The following NARS1 variants were observed in gnomAD, a reference collection of about 807,000 sequenced individuals.
NARS1 encodes the protein asparaginyl-tRNA synthetase 1.
Under a neutral mutation model 79.2 loss-of-function variants are expected in NARS1, and 65 were observed. The observed-to-expected ratio is 0.82, with a 90% CI of 0.67 to 1.01. The LOEUF is 1.01. Among genes scored for constraint, NARS1 ranks in the 50% least tolerant of loss-of-function variants. The pLI, the probability that NARS1 is intolerant of heterozygous loss-of-function variation, is 0.00. For missense variants in NARS1, 649 were observed against 673.8 expected (o/e 0.96, Z 0.41); for synonymous variants, 229 against 238.8 (o/e 0.96, Z 0.38).
At chr18:57,601,834 T>C in intron 13 of NARS1, 51 bp from the exon 14 acceptor site, 1 of 1,587,828 alleles carries the variant, frequency 6.3e-7, no homozygotes, top group South Asian at 1.1e-5. Flanking sequence ...AAGTTAAAAC[T>C]TTCATCTAAG....
rs75009706 is a variant in NARS1 at position 57,621,651 on chromosome 18, G to A, written c.10+57C>T. On this transcript the variant is annotated intron_variant, in intron 1 of 13. Transcript: ENST00000256854. ...TAAGGAAAGCGCCGAAACCCGACTGGAGCAGAGTTCCTGCCCCAGGCAGGG... is the reference window on the plus strand; with the variant it reads ...TAAGGAAAGCGCCGAAACCCGACTGAAGCAGAGTTCCTGCCCCAGGCAGGG... 1.4e-3 allele frequency: 2,252 copies of A among 1,561,502 alleles called. 18 individuals carry two copies. In the African/African-American group the frequency reaches 0.023, roughly 16 times the overall value.
At chr18:57,613,806 C>A (rs2051625615) in intron 4 of NARS1, 126 bp from the exon 5 acceptor site, 1 of 713,848 alleles carries the variant, frequency 1.4e-6, no homozygotes, top group Non-Finnish European at 2.4e-6. Context: ...GGAGACAGCC[C>A]CTCTACTGCA....
Position 57,606,687 on chromosome 18 carries a change from C to T in NARS1, c.1066G>A (p.Asp356Asn). 1 of 1,614,136 alleles carries T rather than the reference C, an allele frequency of 6.2e-7. No individual in the cohort carries two copies. The highest frequency in any genetic ancestry group is 1.3e-5 in the African/African-American group (1 of 75,040). ...CGATCTACCACATCACAAACCAAGT[C>T]CTCCAACCGGTTCAGGAGGTCGTCA... ...TFDDLLNRLE[D>N]LVCDVVDRIL... Residue 356 changes from aspartate to asparagine, a missense_variant, in exon 10 of 14, where the codon GAC becomes AAC. Transcript: ENST00000256854.
intron 7 of NARS1, 110 bp downstream of exon 7, chr18:57,609,247 G>T: frequency 1.2e-6 from 1 of 813,584 alleles, no homozygotes. Flanking sequence ...TACTAGTTCT[G>T]TCCCTCTGAA....
At chr18:57,608,437 C>CAAA (rs1175712420) in intron 7 of NARS1, among the ~76,000 whole-genome samples, 20,847 of 77,046 alleles carry the variant, frequency 0.27, 3,649 homozygotes, top group East Asian at 0.61. Flanking sequence ...AACTCCGTCT[C>CAAA]AAAAAAAAAA....
intron 2 of NARS1, among the ~76,000 whole-genome samples, chr18:57,616,313 G>A (rs1472938846): frequency 2.0e-5 from 3 of 152,062 alleles, no homozygotes; most frequent in East Asian, 1.9e-4. Flanking sequence ...CCAGCTACTC[G>A]GGAGGCTGAG....
chr18:57,605,719 C>A, intron 11 of NARS1, 138 bp downstream of exon 11: 2 of 625,448 alleles, frequency 3.2e-6, no homozygotes, highest in Non-Finnish European at 5.7e-6. Flanking sequence ...AATCTGCAGG[C>A]AACCCAAGAA....
chr18:57,615,823 C>T lies in NARS1; in HGVS notation c.246G>A (p.Lys82=). Residue 82 remains lysine (K), a synonymous_variant, in exon 3 of 14, where the codon AAG becomes AAA. Coordinates refer to ENST00000256854, the MANE Select transcript of NARS1 (RefSeq NM_004539.4). ...REQMKSESRE[K]KEAEDSLRRE... is the part of the protein sequence containing the mutation. ...TGGCAAGGTCAGGACTCACCTCTTT[C>T]TTTTCCCGGGATTCACTCTTCATTT... 1 of 1,611,928 alleles carries T rather than the reference C, an allele frequency of 6.2e-7. No individual in the cohort carries two copies. The highest frequency in any genetic ancestry group is 8.5e-7 in the Non-Finnish European group (1 of 1,179,374).
At position 57,606,270 on chromosome 18, in the gene NARS1, T is replaced by C. The variant is rs2051555279; in HGVS notation, c.1138-300A>G. On this transcript the variant is annotated intron_variant, in intron 10 of 13. Transcript: ENST00000256854. ...AGGCTGAGGCAGAATCGCTTGAAGCTGGGAGGCAGAGGTTGCAGTGAGCAG... is the reference window on the plus strand; with the variant it reads ...AGGCTGAGGCAGAATCGCTTGAAGCCGGGAGGCAGAGGTTGCAGTGAGCAG... Among the ~76,000 whole-genome samples, 2 of 149,988 alleles carry C rather than the reference T, an allele frequency of 1.3e-5. 1 individual carries two copies. Among genetic ancestry groups the C allele is most frequent in the South Asian group, 4.2e-4 (2 of 4,714 alleles).
Position 57,621,785 on chromosome 18 carries a change from C to T in NARS1, c.-68G>A. ...CACCGACGCCGTCTTATGACTCCAA[C>T]GTGCACCGGCGGTTTCCGCGATTCC... On this transcript the variant is annotated 5_prime_UTR_variant, in exon 1 of 14. Transcript: ENST00000256854. 6.2e-7 allele frequency: 1 copy of T among 1,611,106 alleles called. No individual in the cohort carries two copies. Among genetic ancestry groups the T allele is most frequent in the South Asian group, 1.1e-5 (1 of 90,722 alleles).
rs138016359 is a variant in NARS1 at position 57,606,686 on chromosome 18, T to G, written c.1067A>C (p.Asp356Ala). 1.1e-3 allele frequency: 1,821 copies of G among 1,613,954 alleles called. 2 individuals are homozygous for G. The highest frequency in any genetic ancestry group is 1.4e-3 in the Non-Finnish European group (1,615 of 1,179,978). Residue 356 changes from aspartate (D) to alanine (A), a missense_variant, in exon 10 of 14, where the codon GAC becomes GCC. Transcript: ENST00000256854. ...TFDDLLNRLE[D>A]LVCDVVDRIL... ...TCGATCTACCACATCACAAACCAAG[T>G]CCTCCAACCGGTTCAGGAGGTCGTC... is the stretch of plus-strand genomic sequence containing the variant.
chr18:57,616,109 C>G (rs1048506949), intron 2 of NARS1, 134 bp from the exon 3 acceptor site: 1 of 791,832 alleles, frequency 1.3e-6, no homozygotes, highest in African/African-American at 1.8e-5. Context: ...GATATTGGCA[C>G]AGTGACTGGT....
chr18:57,619,340 G>A (rs1908196176), intron 2 of NARS1, among the ~76,000 whole-genome samples: 1 of 149,918 alleles, frequency 6.7e-6, no homozygotes, highest in Admixed American at 6.7e-5. Context: ...ACTTTGGGAG[G>A]GTTAATATCC....
intron 1 of NARS1, 70 bp downstream of exon 1, chr18:57,621,638 C>G (rs1599043416): frequency 2.0e-6 from 3 of 1,505,298 alleles, no homozygotes; most frequent in East Asian, 2.3e-5. Flanking sequence ...AGGAAAGCGC[C>G]GAAACCCGAC....
At chr18:57,615,496 C>G (rs556912225) in intron 4 of NARS1, 145 bp downstream of exon 4, 474 of 589,776 alleles carry the variant, frequency 8.0e-4, no homozygotes, top group Admixed American at 1.8e-3. Context: ...AGCAAGACTC[C>G]GTCTCAAAAA....
intron 6 of NARS1, among the ~76,000 whole-genome samples, chr18:57,610,602 T>TA (rs1237547031): frequency 1.3e-5 from 2 of 151,990 alleles, no homozygotes; most frequent in South Asian, 2.1e-4. Context: ...CTCCAATTTA[T>TA]AAAAAATGCA....
intron 9 of NARS1, 115 bp downstream of exon 9, chr18:57,607,019 C>T: frequency 8.6e-7 from 1 of 1,160,436 alleles, no homozygotes; most frequent in East Asian, 2.4e-5. Context: ...CTTCCATTAA[C>T]CACTTAATAT....
intron 9 of NARS1, 154 bp downstream of exon 9, chr18:57,606,980 T>C: frequency 1.0e-6 from 1 of 958,716 alleles, no homozygotes; most frequent in Non-Finnish European, 1.5e-6. Flanking sequence ...TTAGCTACGA[T>C]CTAAGGTGGC....
Position 57,606,711 on chromosome 18 carries a change from C to A in NARS1, c.1042G>T (p.Asp348Tyr). The A allele has an allele frequency of 6.2e-7, 1 of 1,614,130 alleles. No individual in the cohort carries two copies. ...VEAECPFLTF[D>Y]DLLNRLEDLV... ...TCCTCCAACCGGTTCAGGAGGTCGTCAAAAGTCAGGAAAGGACACTCAGCT... is the reference window on the plus strand; with the variant it reads ...TCCTCCAACCGGTTCAGGAGGTCGTAAAAAGTCAGGAAAGGACACTCAGCT... The change falls in exon 10 of 14, where the codon GAC becomes TAC. Residue 348 changes from aspartate to tyrosine, a missense_variant. Transcript: ENST00000256854.
Sources: gnomAD v4.1 joint callset for allele counts (sites outside exome capture counted in the v4.1 genomes callset) on GRCh38, gnomAD v4.1.1 for gene constraint, MANE v1.5 for transcripts, NCBI Gene and HGNC (gene_info 2026-07-23, HGNC 2026-07-21) for gene names.